FEM1C: variants seen among roughly 807,000 people sequenced by gnomAD.
The protein encoded by FEM1C is fem-1 homolog C, also known as protein fem-1 homolog C.
Under a neutral mutation model 37.6 loss-of-function variants are expected in FEM1C, and 15 were observed. That is an observed-to-expected ratio of 0.40 (90% CI 0.27 to 0.61). FEM1C has a LOEUF of 0.61. Among genes scored for constraint, FEM1C ranks in the 20% least tolerant of loss-of-function variants. The pLI is 0.42. For missense variants in FEM1C, 532 were observed against 749.7 expected (o/e 0.71, Z 3.39); for synonymous variants, 287 against 272.8 (o/e 1.05, Z -0.51).
chr5:115,524,857 T>C lies in FEM1C; in HGVS notation c.1305A>G (p.Pro435=). 5 of 1,613,298 alleles carry C rather than the reference T, an allele frequency of 3.1e-6. No individual in the cohort carries two copies. The highest frequency in any genetic ancestry group is 3.4e-6 in the Non-Finnish European group (4 of 1,179,680). Residue 435 remains proline, a synonymous_variant, in exon 3 of 3, where the codon CCA becomes CCG. Coordinates refer to ENST00000274457, the MANE Select transcript of FEM1C (RefSeq NM_020177.3). The part of the protein sequence containing the change: ...AIKQTQCPAD[P]LQLNKALSII... The stretch of plus-strand genomic sequence containing the variant: ...TAGAAAGGGCCTTATTTAACTGTAA[T>C]GGGTCAGCTGGACACTGAGTTTGTT...
intron 2 of FEM1C, among the ~76,000 whole-genome samples, chr5:115,536,087 G>A (rs1754121721): frequency 6.6e-6 from 1 of 151,908 alleles, no homozygotes; most frequent in African/African-American, 2.4e-5. Flanking sequence ...AGGGATAGGA[G>A]GGAGTGACTC....
intron 2 of FEM1C, among the ~76,000 whole-genome samples, chr5:115,536,750 T>C (rs1257742408): frequency 6.6e-6 from 1 of 151,946 alleles, no homozygotes; most frequent in East Asian, 1.9e-4. Context: ...GTGCCCTCCC[T>C]TCATTAATTC....
intron 2 of FEM1C, among the ~76,000 whole-genome samples, chr5:115,538,087 A>G: frequency 6.6e-6 from 1 of 152,106 alleles, no homozygotes; most frequent in Non-Finnish European, 1.5e-5. Context: ...ACTACTATAG[A>G]AAACAAAAGG....
intron 2 of FEM1C, among the ~76,000 whole-genome samples, chr5:115,538,414 T>C (rs945671358): frequency 5.9e-5 from 9 of 152,036 alleles, no homozygotes; most frequent in South Asian, 4.1e-4. Flanking sequence ...CTATAAAACA[T>C]AGTGCTTGCC....
rs1753852890 is a variant in FEM1C at position 115,524,789 on chromosome 5, G to A, written c.1373C>T (p.Thr458Ile). ...CTTTTTGAAATGGTCTTGTTCTAGAGTACAAGGAACTTTCTCTAACAAGCA... is the reference window on the plus strand; with the variant it reads ...CTTTTTGAAATGGTCTTGTTCTAGAATACAAGGAACTTTCTCTAACAAGCA... ...LICLLEKVPC[T>I]LEQDHFKKQT... The change falls in exon 3 of 3, where the codon ACT (threonine) becomes ATT (isoleucine). Residue 458 changes from threonine to isoleucine, a missense_variant. Coordinates refer to ENST00000274457, the MANE Select transcript of FEM1C (RefSeq NM_020177.3). 4 of 1,590,240 alleles carry A rather than the reference G, an allele frequency of 2.5e-6. No individual in the cohort carries two copies. Among genetic ancestry groups the A allele is most frequent in the South Asian group, 1.2e-5 (1 of 86,054 alleles).
intron 2 of FEM1C, among the ~76,000 whole-genome samples, chr5:115,529,306 T>A (rs1483778206): frequency 6.6e-6 from 1 of 151,844 alleles, no homozygotes; most frequent in Non-Finnish European, 1.5e-5. Flanking sequence ...AGAGAATGAA[T>A]GGAAGTTACC....
At position 115,524,546 on chromosome 5, in the gene FEM1C, T is replaced by C. The variant is rs1753844059; in HGVS notation, c.1616A>G (p.Asn539Ser). The change falls in exon 3 of 3, where the codon AAC becomes AGC. Residue 539 changes from asparagine to serine, a missense_variant. Physicochemically the swap from Asn to Ser is conservative, Grantham distance 46 (BLOSUM62 1). Coordinates refer to ENST00000274457, the MANE Select transcript of FEM1C (RefSeq NM_020177.3). ...AAGGAGATTCATGATGTCTGGATGG[T>C]TGTTAAGAGCAGCGATATGCAGGGG... ...NSPLHIAALN[N>S]HPDIMNLLIK... The C allele has an allele frequency of 6.2e-7, 1 of 1,613,476 alleles. No homozygotes were observed. The highest frequency in any genetic ancestry group is 8.5e-7 in the Non-Finnish European group (1 of 1,179,656).
rs1003818619 is a variant in FEM1C at position 115,523,304 on chromosome 5, A to G, written c.*1004T>C. 1 of 152,482 alleles carries G rather than the reference A, an allele frequency of 6.6e-6. No homozygotes were observed. Among genetic ancestry groups the G allele is most frequent in the African/African-American group, 2.4e-5 (1 of 41,434 alleles). 9.4% of individuals were successfully genotyped at this position (152,482 alleles called of 1,614,324 possible). ...ACTAAAAGTGATTTGCAGTTCAATTACTGAGTATTTCAATGTGACTCATTA... is the reference window on the plus strand; with the variant it reads ...ACTAAAAGTGATTTGCAGTTCAATTGCTGAGTATTTCAATGTGACTCATTA... On this transcript the variant is annotated 3_prime_UTR_variant, in exon 3 of 3. Coordinates refer to ENST00000274457, the MANE Select transcript of FEM1C (RefSeq NM_020177.3).
chr5:115,526,088 T>C (rs1030461509), intron 2 of FEM1C, among the ~76,000 whole-genome samples: 1 of 152,012 alleles, frequency 6.6e-6, no homozygotes, highest in Non-Finnish European at 1.5e-5. Context: ...TTTAAACTCC[T>C]GGGCTCAAGC....
At position 115,523,276 on chromosome 5, in the gene FEM1C, G is replaced by GT. The variant is rs1290249385; in HGVS notation, c.*1031dup. The GT allele has an allele frequency of 6.6e-6, 1 of 152,316 alleles. No individual in the cohort carries two copies. Among genetic ancestry groups the GT allele is most frequent in the Non-Finnish European group, 1.5e-5 (1 of 67,920 alleles). The allele number at this position is 152,316 out of a possible 1,614,324, so 9.4% of individuals were successfully genotyped here. A position where few individuals can be genotyped will look rare whatever the true frequency, so the allele number is the denominator to read the frequency against. ...CCACTGACATGCTTTAGCTCTTTTT[G>GT]TAACTAAAAGTGATTTGCAGTTCAA... On this transcript the variant is annotated 3_prime_UTR_variant, in exon 3 of 3. Coordinates refer to ENST00000274457, the MANE Select transcript of FEM1C (RefSeq NM_020177.3).
rs1377526043 is a variant in FEM1C at position 115,524,034 on chromosome 5, A to G, written c.*274T>C. ...AACTCTGCCCCAAACACCCAACAGC[A>G]AACAAAACCAGAATGAATAAGCCTT... On this transcript the variant is annotated 3_prime_UTR_variant, in exon 3 of 3. Coordinates refer to ENST00000274457, the MANE Select transcript of FEM1C (RefSeq NM_020177.3). The G allele has an allele frequency of 3.0e-6, 1 of 334,986 alleles. No individual in the cohort carries two copies. The highest frequency in any genetic ancestry group is 5.4e-6 in the Non-Finnish European group (1 of 185,360). 20.8% of individuals were successfully genotyped at this position (334,986 alleles called of 1,614,324 possible).
At position 115,528,001 on chromosome 5, in the gene FEM1C, G is replaced by GAA. The variant is rs58897289; in HGVS notation, c.545-2386_545-2385dup. Reference sequence around the variant, plus strand: ...GGTGACAAAGTGAGACTTCGTCTCAGAAAAAAAAAAAAAAAAAAAGGTAGC... The same window carrying GAA: ...GGTGACAAAGTGAGACTTCGTCTCAGAAAAAAAAAAAAAAAAAAAAAGGTAGC... On this transcript the variant is annotated intron_variant, in intron 2 of 2. Coordinates refer to ENST00000274457, the MANE Select transcript of FEM1C (RefSeq NM_020177.3). Among the ~76,000 whole-genome samples, 507 of 87,038 alleles carry GAA rather than the reference G, an allele frequency of 5.8e-3. 13 individuals are homozygous for GAA. The highest frequency in any genetic ancestry group is 0.011 in the African/African-American group (248 of 23,494). 57.1% of individuals were successfully genotyped at this position (87,038 alleles called of 152,430 possible).
intron 2 of FEM1C, among the ~76,000 whole-genome samples, chr5:115,527,658 C>A (rs1414561568): frequency 6.6e-6 from 1 of 151,944 alleles, no homozygotes; most frequent in Non-Finnish European, 1.5e-5. Flanking sequence ...AAAGAAATGG[C>A]TTAGATGGCA....
chr5:115,543,973 T>C, intron 1 of FEM1C: 1 of 985,368 alleles, frequency 1.0e-6, no homozygotes, highest in Non-Finnish European at 1.2e-6. Context: ...AGCTTTGTTC[T>C]AGTTTTGCTT....
Position 115,521,220 on chromosome 5 carries a change from C to T in FEM1C, c.*3088G>A, listed in dbSNP as rs572623254. Reference sequence around the variant, plus strand: ...TAAAAGAGTATGTCATTATCTCATCCAGCCTGCACAATTCTAAGAAAATTA... The same window carrying T: ...TAAAAGAGTATGTCATTATCTCATCTAGCCTGCACAATTCTAAGAAAATTA... On this transcript the variant is annotated 3_prime_UTR_variant, in exon 3 of 3. Coordinates refer to ENST00000274457, the MANE Select transcript of FEM1C (RefSeq NM_020177.3). 6.6e-6 allele frequency: 1 copy of T among 151,816 alleles called. No homozygotes were observed. Among genetic ancestry groups the T allele is most frequent in the South Asian group, 2.1e-4 (1 of 4,824 alleles). 9.4% of individuals were successfully genotyped at this position (151,816 alleles called of 1,614,324 possible). A position where few individuals can be genotyped will look rare whatever the true frequency, so the allele number is the denominator to read the frequency against.
chr5:115,524,182 T>C lies in FEM1C; in HGVS notation c.*126A>G, dbSNP rs1753833226. 1 of 707,746 alleles carries C rather than the reference T, an allele frequency of 1.4e-6. No individual in the cohort carries two copies. Among genetic ancestry groups the C allele is most frequent in the Non-Finnish European group, 2.4e-6 (1 of 422,646 alleles). 43.8% of individuals were successfully genotyped at this position (707,746 alleles called of 1,614,324 possible). ...TTGTAAATTTGATGCTTATAATGCT[T>C]TAGCCAATGAGAGCACAATGATATC... is the stretch of plus-strand genomic sequence containing the variant. On this transcript the variant is annotated 3_prime_UTR_variant, in exon 3 of 3. Transcript: ENST00000274457.
intron 2 of FEM1C, among the ~76,000 whole-genome samples, chr5:115,528,155 A>G (rs2127170171): frequency 6.6e-6 from 1 of 152,270 alleles, no homozygotes; most frequent in East Asian, 1.9e-4. Context: ...GAAGACTTTC[A>G]CATCCAGTAA....
Position 115,524,635 on chromosome 5 carries a change from TTGTAGAGA to T in FEM1C, c.1519_1526del (p.Leu508TyrfsTer10), listed in dbSNP as rs766696213. ...CACATTCTATCAGTATTGCAGTAAC[TTGTAGAGA>T]TGGAAATTTACAAACAGGGTACCGC... On this transcript the variant is annotated frameshift_variant, in exon 3 of 3. Transcript: ENST00000274457. LOFTEE classifies it high-confidence loss of function. 4 of 1,582,072 alleles carry T rather than the reference TTGTAGAGA, an allele frequency of 2.5e-6. No individual in the cohort carries two copies.
At position 115,524,603 on chromosome 5, in the gene FEM1C, T is replaced by A; in HGVS notation, c.1559A>T (p.Asp520Val). ...GTCATCCGAGTCTCTGACGTTCACA[T>A]CAGCACCACATTCTATCAGTATTGC... ...VTAILIECGA[D>V]VNVRDSDDNS... The change falls in exon 3 of 3, where the codon GAT becomes GTT. Residue 520 changes from aspartate to valine, a missense_variant. Physicochemically the swap from Asp to Val is radical, Grantham distance 152. This residue lies in a region of FEM1C where 237 missense variants were observed against 260.5 expected (regional missense o/e 0.91). Coordinates refer to ENST00000274457, the MANE Select transcript of FEM1C (RefSeq NM_020177.3). 1 of 1,609,826 alleles carries A rather than the reference T, an allele frequency of 6.2e-7. No individual in the cohort carries two copies. Among genetic ancestry groups the A allele is most frequent in the East Asian group, 2.2e-5 (1 of 44,864 alleles).
Sources: gnomAD v4.1 joint callset for allele counts (sites outside exome capture counted in the v4.1 genomes callset) on GRCh38, gnomAD v4.1.1 for gene constraint, gnomAD v4.1.1 regional missense constraint, MANE v1.5 for transcripts, NCBI Gene and HGNC (gene_info 2026-07-23, HGNC 2026-07-21) for gene names.